Variants in BAIAP2 observed in about 807,000 individuals in gnomAD.
BAIAP2 encodes BAR/IMD domain-containing adapter protein 2.
A neutral mutation model predicts 63.0 loss-of-function variants in BAIAP2; 18 were observed. The observed-to-expected ratio is 0.29, with a 90% CI of 0.20 to 0.42. The LOEUF (loss-of-function observed/expected upper bound fraction) is 0.42. Among genes scored for constraint, BAIAP2 ranks in the 10% least tolerant of loss-of-function variants. BAIAP2 has a pLI of 1.00. For synonymous variants in BAIAP2, 386 were observed against 307.6 expected (o/e 1.25, Z -2.67); for missense variants, 610 against 734.3 (o/e 0.83, Z 1.96).
chr17:81,089,606 G>GC (rs2056356968), intron 6 of BAIAP2, among the ~76,000 whole-genome samples: 1 of 134,384 alleles, frequency 7.4e-6, no homozygotes, highest in African/African-American at 2.8e-5. Context: ...TCGTCACAAA[G>GC]CCCCCCTCGT....
intron 7 of BAIAP2, among the ~76,000 whole-genome samples, chr17:81,101,307 G>A (rs1015869389): frequency 6.6e-6 from 1 of 152,052 alleles, no homozygotes; most frequent in African/African-American, 2.4e-5. Context: ...CCTGAGCCCC[G>A]ATGTGAGCAA....
intron 13 of BAIAP2, chr17:81,110,843 CCCCCCTCCTCTGCA>C (rs2059840172): frequency 1.9e-6 from 3 of 1,586,928 alleles, no homozygotes; most frequent in African/African-American, 1.3e-5. Context: ...CGCCCGTGGT[CCCCCCTCCTCTGCA>C]CCCCCGAGTC....
chr17:81,064,769 G>A (rs1177491892), intron 3 of BAIAP2, among the ~76,000 whole-genome samples: 3 of 152,176 alleles, frequency 2.0e-5, no homozygotes, highest in Non-Finnish European at 4.4e-5. Flanking sequence ...GTGGCCTGCA[G>A]ACCTCACAGA....
chr17:81,071,227 G>A (rs565815288), intron 3 of BAIAP2, among the ~76,000 whole-genome samples: 25 of 152,284 alleles, frequency 1.6e-4, no homozygotes, highest in African/African-American at 2.6e-4. Context: ...GAGAAGGGGC[G>A]GGATTGGGAG....
chr17:81,091,375 T>A (rs534913722), intron 6 of BAIAP2, among the ~76,000 whole-genome samples: 25 of 152,098 alleles, frequency 1.6e-4, no homozygotes, highest in Admixed American at 1.3e-3. Flanking sequence ...CCTAAAGCGG[T>A]TGGTTGCTTC....
rs2143770777 is a variant in BAIAP2 at position 81,046,119 on chromosome 17, G to A, written c.55-7549G>A. Among the ~76,000 whole-genome samples the A allele has an allele frequency of 6.6e-6, 1 of 152,226 alleles. No homozygotes were observed. Among genetic ancestry groups the A allele is most frequent in the South Asian group, 2.1e-4 (1 of 4,826 alleles). On this transcript the variant is annotated intron_variant, in intron 1 of 13. Coordinates refer to ENST00000428708, the MANE Select transcript of BAIAP2 (RefSeq NM_001144888.2). The surrounding 1 kb of genome is among the most constrained non-coding windows in gnomAD (Gnocchi z 4.5). Reference sequence around the variant, plus strand: ...AGAGCTGCCGGCTCCTGCACGCCCAGCTGCAGGGGGTAAGGAGGAGGATGG... The same window carrying A: ...AGAGCTGCCGGCTCCTGCACGCCCAACTGCAGGGGGTAAGGAGGAGGATGG...
intron 6 of BAIAP2, among the ~76,000 whole-genome samples, chr17:81,098,357 T>TG (rs1221715293): frequency 6.6e-6 from 1 of 152,140 alleles, no homozygotes; most frequent in East Asian, 1.9e-4. Flanking sequence ...AGGCTCACGT[T>TG]GGAGAGGCCT....
At chr17:81,058,064 C>G in intron 3 of BAIAP2, 97 bp downstream of exon 3, 1 of 970,688 alleles carries the variant, frequency 1.0e-6, no homozygotes, top group Non-Finnish European at 1.5e-6. Flanking sequence ...GATTTGGGAT[C>G]AGGTTTTGCC....
At chr17:81,109,714 G>T (rs1486897692) in intron 13 of BAIAP2, 5 of 985,434 alleles carry the variant, frequency 5.1e-6, no homozygotes, top group Non-Finnish European at 6.0e-6. Flanking sequence ...CGGCACAGTG[G>T]CCTCACCTCC....
chr17:81,105,112 T>C (rs113786207), intron 10 of BAIAP2: 5,384 of 114,828 alleles, frequency 0.047, 141 homozygotes, highest in Middle Eastern at 0.16. Flanking sequence ...CTCCCCCCAG[T>C]GGCAGGGGTC....
At chr17:81,101,742 C>T (rs2058517139) in intron 7 of BAIAP2, among the ~76,000 whole-genome samples, 1 of 152,380 alleles carries the variant, frequency 6.6e-6, no homozygotes. Flanking sequence ...CCCCTCCTGC[C>T]GGCCTGGGCC....
chr17:81,106,255 C>T (rs2145979854), intron 11 of BAIAP2, 109 bp downstream of exon 11: 4 of 1,188,110 alleles, frequency 3.4e-6, no homozygotes, highest in Non-Finnish European at 4.8e-6. Context: ...GGCTCCTTGT[C>T]TGCTACCGCA....
intron 3 of BAIAP2, among the ~76,000 whole-genome samples, chr17:81,070,512 T>G (rs890999602): frequency 2.6e-4 from 39 of 152,008 alleles, no homozygotes; most frequent in Non-Finnish European, 5.7e-4. Flanking sequence ...CAAAAGGTGC[T>G]TTGGAGGGAG....
intron 13 of BAIAP2, chr17:81,110,591 C>A: frequency 1.6e-6 from 2 of 1,221,184 alleles, no homozygotes; most frequent in Non-Finnish European, 2.0e-6. Flanking sequence ...CCACCTCTGC[C>A]AGGTATTTTC....
At position 81,084,835 on chromosome 17, in the gene BAIAP2, A is replaced by T. The variant is rs1186024143; in HGVS notation, c.221A>T (p.Asp74Val). 1 of 1,613,486 alleles carries T rather than the reference A, an allele frequency of 6.2e-7. No individual in the cohort carries two copies. The highest frequency in any genetic ancestry group is 8.5e-7 in the Non-Finnish European group (1 of 1,179,956). The change falls in exon 4 of 14, where the codon GAC (aspartate) becomes GTC (valine). Residue 74 changes from aspartate to valine, a missense_variant. Asp to Val is a radical substitution (Grantham distance 152, BLOSUM62 -3). Coordinates refer to ENST00000428708, the MANE Select transcript of BAIAP2 (RefSeq NM_001144888.2). ...SESQGSKELG[D>V]VLFQMAEVHR... The stretch of plus-strand genomic sequence containing the variant: ...CTTCTGCTGTTCTGCTTCCCAGGAG[A>T]CGTTCTCTTCCAGATGGCTGAAGTC...
intron 6 of BAIAP2, among the ~76,000 whole-genome samples, chr17:81,088,346 C>T (rs1322153273): frequency 6.6e-6 from 1 of 152,252 alleles, no homozygotes; most frequent in Non-Finnish European, 1.5e-5. Flanking sequence ...CTTGAGCTCC[C>T]TTCTGCCCTC....
chr17:81,084,504 G>C (rs1311183586), intron 3 of BAIAP2, among the ~76,000 whole-genome samples: 2 of 152,092 alleles, frequency 1.3e-5, no homozygotes, highest in Non-Finnish European at 2.9e-5. Context: ...ATGAGGACGC[G>C]TGTTTGCGCT....
At chr17:81,076,766 C>G (rs1413252679) in intron 3 of BAIAP2, among the ~76,000 whole-genome samples, 1 of 152,074 alleles carries the variant, frequency 6.6e-6, no homozygotes, top group Non-Finnish European at 1.5e-5. Flanking sequence ...CCCAGGAGTT[C>G]AAGACCAGCC....
Position 81,116,347 on chromosome 17 carries a change from C to T in BAIAP2, c.*508C>T, listed in dbSNP as rs371347947. 8 of 1,609,782 alleles carry T rather than the reference C, an allele frequency of 5.0e-6. No individual in the cohort carries two copies. Among genetic ancestry groups the T allele is most frequent in the African/African-American group, 1.3e-5 (1 of 74,982 alleles). On this transcript the variant is annotated 3_prime_UTR_variant, in exon 14 of 14. Transcript: ENST00000428708. The stretch of plus-strand genomic sequence containing the variant: ...TAATTCCCTGCAGGTCCGGCAGCTA[C>T]ACCTGGAGTGTGGGGCCTGGTCCCT...
Sources: allele counts gnomAD v4.1 joint callset (sites outside exome capture counted in the v4.1 genomes callset), GRCh38; gene constraint gnomAD v4.1.1; non-coding constraint Gnocchi (gnomAD v3.1); transcripts MANE v1.5; gene names NCBI Gene and HGNC (gene_info 2026-07-23, HGNC 2026-07-21).